Variants in SLC24A2 observed in about 807,000 individuals in gnomAD.
SLC24A2 encodes sodium/potassium/calcium exchanger 2.
Under a neutral mutation model 62.0 loss-of-function variants are expected in SLC24A2, and 36 were observed. That is an observed-to-expected ratio of 0.58 (90% CI 0.44 to 0.77). The LOEUF (loss-of-function observed/expected upper bound fraction) is 0.77, where lower values mean the gene tolerates loss of function less well. SLC24A2 is among the 30% of genes least tolerant of loss of function. SLC24A2 has a pLI of 0.00. For missense variants in SLC24A2, 846 were observed against 817.9 expected, an observed-to-expected ratio of 1.03 and a Z score of -0.42; for synonymous variants, 358 against 294.0, an observed-to-expected ratio of 1.22 and a Z score of -2.23.
chr9:19,544,531 T>TCAACA (rs1563949891), intron 8 of SLC24A2, among the ~76,000 whole-genome samples: 5 of 152,194 alleles, frequency 3.3e-5, no homozygotes, highest in African/African-American at 1.2e-4. Context: ...GTGTTGATGG[T>TCAACA]CTTTACAATT....
At chr9:19,536,049 T>G (rs993998202) in intron 8 of SLC24A2, among the ~76,000 whole-genome samples, 11 of 151,946 alleles carry the variant, frequency 7.2e-5, no homozygotes. Flanking sequence ...CTTGAAGAGG[T>G]CCTTCACATC....
the SLC24A2 span, among the ~76,000 whole-genome samples, chr9:19,947,808 A>AAAAGGAAAG: frequency 1.7e-5 from 1 of 59,226 alleles, no homozygotes; most frequent in Non-Finnish European, 3.1e-5. Context: ...AAAAAAAAAA[A>AAAAGGAAAG]AAAGAAAGAA....
At chr9:20,020,343 T>C in the SLC24A2 span, among the ~76,000 whole-genome samples, 1 of 152,010 alleles carries the variant, frequency 6.6e-6, no homozygotes, top group Non-Finnish European at 1.5e-5. Context: ...AATGATAGAC[T>C]GGATAAAGAA....
At chr9:19,988,183 C>T in the SLC24A2 span, among the ~76,000 whole-genome samples, 4 of 152,132 alleles carry the variant, frequency 2.6e-5, no homozygotes, top group Non-Finnish European at 5.9e-5. Flanking sequence ...TTTGGCTCCT[C>T]CTTAGTCTTC....
the SLC24A2 span, among the ~76,000 whole-genome samples, chr9:19,831,862 T>C: frequency 7.3e-5 from 11 of 151,160 alleles, no homozygotes; most frequent in African/African-American, 1.2e-4. Flanking sequence ...AAACTTAGAA[T>C]AGAAGAATGT....
chr9:19,527,605 C>T (rs957163119), intron 9 of SLC24A2, among the ~76,000 whole-genome samples: 1 of 152,132 alleles, frequency 6.6e-6, no homozygotes, highest in East Asian at 1.9e-4. Flanking sequence ...AATAACAATA[C>T]ATCATCATTT....
chr9:20,194,548 A>G, the SLC24A2 span, among the ~76,000 whole-genome samples: 1 of 152,158 alleles, frequency 6.6e-6, no homozygotes, highest in African/African-American at 2.4e-5. Context: ...GAGTTTATTG[A>G]AGGTTTAGAA....
At chr9:19,909,098 A>G in the SLC24A2 span, among the ~76,000 whole-genome samples, 2 of 152,232 alleles carry the variant, frequency 1.3e-5, no homozygotes, top group Non-Finnish European at 2.9e-5. Context: ...TCCAACAACG[A>G]TAGACTGGAT....
chr9:19,788,995 T>A lies in SLC24A2; in HGVS notation c.-264A>T. The A allele has an allele frequency of 2.1e-6, 2 of 961,008 alleles. No individual in the cohort carries two copies. Among genetic ancestry groups the A allele is most frequent in the Non-Finnish European group, 2.5e-6 (2 of 807,670 alleles). The allele number at this position is 961,008 out of a possible 1,614,324, so 59.5% of individuals were successfully genotyped here. A position where few individuals can be genotyped will look rare whatever the true frequency, so the allele number is the denominator to read the frequency against. ...CTGAGGCCCGGGCTCTGGCTCGCAC[T>A]GGCTGCCGCTCTCGCCAGCCGGGCT... On this transcript the variant is annotated 5_prime_UTR_variant, in exon 1 of 11. Coordinates refer to ENST00000341998, the MANE Select transcript of SLC24A2 (RefSeq NM_020344.4).
chr9:20,143,824 C>G, the SLC24A2 span, among the ~76,000 whole-genome samples: 2 of 152,114 alleles, frequency 1.3e-5, no homozygotes, highest in African/African-American at 4.8e-5. Flanking sequence ...TTTAGTACAT[C>G]CATCATCAAA....
the SLC24A2 span, among the ~76,000 whole-genome samples, chr9:19,864,676 A>G: frequency 1.3e-5 from 2 of 152,084 alleles, no homozygotes; most frequent in African/African-American, 4.8e-5. Context: ...TGGGTATAGA[A>G]GGAACATATC....
intron 2 of SLC24A2, among the ~76,000 whole-genome samples, chr9:19,785,583 C>A (rs973246687): frequency 6.6e-6 from 1 of 152,180 alleles, no homozygotes; most frequent in African/African-American, 2.4e-5. Context: ...ACTTTCTAGG[C>A]ACATACACAC....
intron 2 of SLC24A2, among the ~76,000 whole-genome samples, chr9:19,728,941 T>G (rs533273363): frequency 4.5e-4 from 68 of 152,286 alleles, no homozygotes; most frequent in African/African-American, 1.6e-3. Context: ...TTGCCTGCCA[T>G]GAAAAGAAAA....
At chr9:19,980,595 T>C in the SLC24A2 span, among the ~76,000 whole-genome samples, 1 of 152,168 alleles carries the variant, frequency 6.6e-6, no homozygotes, top group African/African-American at 2.4e-5. Context: ...ATAGAGAGAA[T>C]GTTTAATATG....
At chr9:19,881,958 T>C in the SLC24A2 span, among the ~76,000 whole-genome samples, 2 of 152,356 alleles carry the variant, frequency 1.3e-5, no homozygotes, top group East Asian at 3.9e-4. Context: ...CAAATGTCAT[T>C]TTTAATAACT....
chr9:20,275,518 G>A, the SLC24A2 span, among the ~76,000 whole-genome samples: 1 of 152,160 alleles, frequency 6.6e-6, no homozygotes, highest in Non-Finnish European at 1.5e-5. Flanking sequence ...ACCTAAGATA[G>A]TACCATACAT....
the SLC24A2 span, among the ~76,000 whole-genome samples, chr9:19,818,111 C>T: frequency 2.6e-5 from 4 of 152,114 alleles, no homozygotes; most frequent in Admixed American, 6.6e-5. Context: ...ACAAGGACTA[C>T]GAGATTTATT....
the SLC24A2 span, among the ~76,000 whole-genome samples, chr9:20,090,425 G>GCATTGA: frequency 1.3e-5 from 2 of 152,144 alleles, no homozygotes; most frequent in Non-Finnish European, 2.9e-5. Context: ...AAGTGGGAGA[G>GCATTGA]GAGCCCACGC....
At chr9:19,791,475 G>C (rs1182460218), upstream of SLC24A2, among the ~76,000 whole-genome samples, 1 of 152,158 alleles carries the variant, frequency 6.6e-6, no homozygotes, top group African/African-American at 2.4e-5. Context: ...TAAATGTTGT[G>C]GGAGTGACTA....
Sources: allele counts gnomAD v4.1 joint callset (sites outside exome capture counted in the v4.1 genomes callset), GRCh38; gene constraint gnomAD v4.1.1; transcripts MANE v1.5; gene names NCBI Gene and HGNC (gene_info 2026-07-23, HGNC 2026-07-21).